Variants in IST1 observed in about 807,000 individuals in gnomAD.
The protein encoded by IST1 is IST1 factor associated with ESCRT-III.
Under a neutral mutation model 37.0 loss-of-function variants are expected in IST1, and 23 were observed. The observed-to-expected ratio is 0.62, with a 90% CI of 0.45 to 0.88. IST1 has a LOEUF of 0.88. Ranked by LOEUF, IST1 falls within the 40% of genes least tolerant of loss-of-function variation. The probability of loss-of-function intolerance (pLI) is 0.00; values close to 1 mark genes in which losing one functional copy is unlikely to be tolerated. For synonymous variants in IST1, 180 were observed against 161.7 expected (o/e 1.11, Z -0.86); for missense variants, 488 against 445.4 (o/e 1.10, Z -0.86).
In IST1 at chr16:71,928,003, A is replaced by AACAG. The variant is rs1479628036; in HGVS notation, c.*190_*191insACAG. The AACAG allele has an allele frequency of 7.0e-6, 4 of 568,208 alleles. No homozygotes were observed. Among genetic ancestry groups the AACAG allele is most frequent in the Non-Finnish European group, 9.4e-6 (3 of 317,814 alleles). 35.2% of individuals were successfully genotyped at this position (568,208 alleles called of 1,614,324 possible). Reference sequence around the variant, plus strand: ...TTCTCTGTTGATCCTGAGACTAACAATTGGAGACTGAGGCCAGAGCAACTG... The same window carrying AACAG: ...TTCTCTGTTGATCCTGAGACTAACAAACAGTTGGAGACTGAGGCCAGAGCAACTG... On this transcript the variant is annotated 3_prime_UTR_variant, in exon 10 of 10. Coordinates refer to ENST00000378799, the MANE Select transcript of IST1 (RefSeq NM_001270975.2).
chr16:71,922,625 C>G lies in IST1; in HGVS notation c.704C>G (p.Pro235Arg), dbSNP rs1356628475. 7.4e-6 allele frequency: 12 copies of G among 1,611,898 alleles called. No individual in the cohort carries two copies. The highest frequency in any genetic ancestry group is 1.0e-5 in the Non-Finnish European group (12 of 1,178,970). Residue 235 changes from proline to arginine, a missense_variant, in exon 7 of 10, where the codon CCC becomes CGC. Transcript: ENST00000378799. ...ACGGTGCCAATGCCCATGCCCATGC[C>G]CATGCCTATGCCATCTGCAAATACG... ...DGTVPMPMPM[P>R]MPMPSANTPF...
At chr16:71,897,701 T>C (rs569649240) in intron 1 of IST1, among the ~76,000 whole-genome samples, 1 of 152,232 alleles carries the variant, frequency 6.6e-6, no homozygotes, top group East Asian at 1.9e-4. Context: ...ATCCCAGCAC[T>C]TTGGGAGGCC....
intron 9 of IST1, among the ~76,000 whole-genome samples, 170 bp from the exon 10 acceptor site, chr16:71,927,444 C>T (rs555582891): frequency 1.9e-4 from 28 of 150,766 alleles, no homozygotes; most frequent in African/African-American, 6.3e-4. Flanking sequence ...GCTGAGATCA[C>T]GCCAACTGCA....
chr16:71,921,198 C>A, intron 5 of IST1, 145 bp from the exon 6 acceptor site: 2 of 625,974 alleles, frequency 3.2e-6, no homozygotes, highest in Non-Finnish European at 5.7e-6. Flanking sequence ...TGTCTTGTGA[C>A]TCTGAAAAAA....
intron 4 of IST1, among the ~76,000 whole-genome samples, chr16:71,917,557 C>T (rs1389132277): frequency 6.6e-6 from 1 of 152,180 alleles, no homozygotes; most frequent in Non-Finnish European, 1.5e-5. Context: ...ATGGCACCAG[C>T]CATACTCCTG....
rs1255193504 is a variant in IST1, at chr16:71,930,760, C to T, written c.*2947C>T. ...AGTTCTGGGCTTATTGGAATGGTTCCCATAACAAAAACTGTTGTTTAAAAT... is the reference window on the plus strand; with the variant it reads ...AGTTCTGGGCTTATTGGAATGGTTCTCATAACAAAAACTGTTGTTTAAAAT... On this transcript the variant is annotated 3_prime_UTR_variant, in exon 10 of 10. Transcript: ENST00000378799. The T allele has an allele frequency of 6.6e-6, 1 of 151,964 alleles. No homozygotes were observed. The highest frequency in any genetic ancestry group is 2.4e-5 in the African/African-American group (1 of 41,344). The allele number at this position is 151,964 out of a possible 1,614,324, so 9.4% of individuals were successfully genotyped here. A position where few individuals can be genotyped will look rare whatever the true frequency, so the allele number is the denominator to read the frequency against.
At chr16:71,894,718 TAGC>T, upstream of IST1, 7 of 567,560 alleles carry the variant, frequency 1.2e-5, no homozygotes, top group South Asian at 2.3e-5. Flanking sequence ...TTTTTTTTTG[TAGC>T]GATGCGGTTT....
At chr16:71,926,139 G>A (rs908411812) in intron 9 of IST1, among the ~76,000 whole-genome samples, 4 of 151,690 alleles carry the variant, frequency 2.6e-5, no homozygotes, top group Admixed American at 6.6e-5. Context: ...CAAATTAGCT[G>A]GGTGTGGTGG....
Position 71,930,334 on chromosome 16 carries a change from A to G in IST1, c.*2521A>G. 1 of 698,172 alleles carries G rather than the reference A, an allele frequency of 1.4e-6. No individual in the cohort carries two copies. The highest frequency in any genetic ancestry group is 2.2e-6 in the Non-Finnish European group (1 of 464,312). 43.2% of individuals were successfully genotyped at this position (698,172 alleles called of 1,614,324 possible). ...GAGTCAAAAGATAATAAGAAGGAAA[A>G]TACTTTTAAATGGACAGAAGAGCAG... On this transcript the variant is annotated 3_prime_UTR_variant, in exon 10 of 10. Transcript: ENST00000378799.
intron 1 of IST1, among the ~76,000 whole-genome samples, chr16:71,901,826 G>A (rs568082589): frequency 2.0e-5 from 3 of 152,258 alleles, no homozygotes; most frequent in African/African-American, 7.2e-5. Flanking sequence ...CGACAGCTTT[G>A]TACAAAACAC....
In IST1 at chr16:71,905,414, C is replaced by T. The variant is rs184731846; in HGVS notation, c.-16+9825C>T. Reference sequence around the variant, plus strand: ...TTTTTTTTTGAGACAGTTTCACTCTCGTTGCCCAGGCTGGAGTGCGATGGC... The same window carrying T: ...TTTTTTTTTGAGACAGTTTCACTCTTGTTGCCCAGGCTGGAGTGCGATGGC... On this transcript the variant is annotated intron_variant, in intron 1 of 9. Transcript: ENST00000378799. 8.2e-3 allele frequency among the ~76,000 whole-genome samples: 1,196 copies of T among 146,670 alleles called. 27 individuals are homozygous for T. The highest frequency in any genetic ancestry group is 8.3e-3 in the Non-Finnish European group (551 of 66,524).
upstream of IST1, chr16:71,895,006 C>CTTA: frequency 5.1e-6 from 3 of 587,482 alleles, no homozygotes; most frequent in Non-Finnish European, 8.9e-6. Context: ...AAAAGCGGGG[C>CTTA]GGGGGAACGC....
At chr16:71,926,011 G>A (rs2037733975) in intron 9 of IST1, among the ~76,000 whole-genome samples, 1 of 152,088 alleles carries the variant, frequency 6.6e-6, no homozygotes, top group South Asian at 2.1e-4. Flanking sequence ...GCCGGGTGCG[G>A]TGGCTCACCC....
intron 1 of IST1, among the ~76,000 whole-genome samples, chr16:71,912,545 T>A (rs2037381482): frequency 1.3e-5 from 2 of 152,158 alleles, no homozygotes; most frequent in Non-Finnish European, 2.9e-5. Flanking sequence ...CCTAAAATAT[T>A]CTTTTATGTT....
intron 1 of IST1, among the ~76,000 whole-genome samples, chr16:71,914,404 C>T (rs1388666296): frequency 6.6e-6 from 1 of 152,028 alleles, no homozygotes; most frequent in African/African-American, 2.4e-5. Context: ...TCATGATCTG[C>T]CCACCTCGGC....
At chr16:71,917,219 AC>A in intron 4 of IST1, 85 bp downstream of exon 4, 1 of 793,314 alleles carries the variant, frequency 1.3e-6, no homozygotes, top group Non-Finnish European at 2.1e-6. Flanking sequence ...TGCTGATTTG[AC>A]CAGATATTTT....
rs748434338 is a variant in IST1, at chr16:71,927,841, T to G, written c.*28T>G. The G allele has an allele frequency of 6.4e-7, 1 of 1,553,338 alleles. No homozygotes were observed. The highest frequency in any genetic ancestry group is 8.9e-7 in the Non-Finnish European group (1 of 1,127,642). ...CTCTTAAACCAGGCAACTTTCACGTTTTGGGAGTTGAGACTGAGCAATTTC... is the reference window on the plus strand; with the variant it reads ...CTCTTAAACCAGGCAACTTTCACGTGTTGGGAGTTGAGACTGAGCAATTTC... On this transcript the variant is annotated 3_prime_UTR_variant, in exon 10 of 10. Transcript: ENST00000378799.
intron 8 of IST1, 21 bp from the exon 9 acceptor site, chr16:71,924,748 G>C (rs780391338): frequency 6.3e-7 from 1 of 1,592,000 alleles, no homozygotes; most frequent in Admixed American, 1.7e-5. Context: ...GTCTCCTCTG[G>C]TAACAATCTT....
chr16:71,907,672 T>G (rs1487570762), intron 1 of IST1, among the ~76,000 whole-genome samples: 2 of 152,160 alleles, frequency 1.3e-5, no homozygotes, highest in African/African-American at 2.4e-5. Context: ...TGTTTTCAAT[T>G]TTTTTCTCTC....
Sources: allele counts gnomAD v4.1 joint callset (sites outside exome capture counted in the v4.1 genomes callset), GRCh38; gene constraint gnomAD v4.1.1; transcripts MANE v1.5; gene names NCBI Gene and HGNC (gene_info 2026-07-23, HGNC 2026-07-21).